SLCO5A1: variants seen among roughly 807,000 people sequenced by gnomAD.
SLCO5A1 encodes the protein organic anion transporter polypeptide-related protein 4.
Under a neutral mutation model 65.1 loss-of-function variants are expected in SLCO5A1, and 39 were observed. The observed-to-expected ratio is 0.60, with a 90% CI of 0.46 to 0.78. The LOEUF is 0.78. SLCO5A1 is among the 30% of genes least tolerant of loss of function. SLCO5A1 has a pLI of 0.00. For synonymous variants in SLCO5A1, 438 were observed against 415.7 expected (o/e 1.05, Z -0.65); for missense variants, 1,029 against 1,069.4 (o/e 0.96, Z 0.53).
chr8:69,754,980 A>G (rs192091927), intron 4 of SLCO5A1, among the ~76,000 whole-genome samples: 48 of 152,032 alleles, frequency 3.2e-4, no homozygotes, highest in Non-Finnish European at 6.3e-4. Context: ...CCTGAAATAA[A>G]CCCTCCATGG....
At chr8:69,725,999 A>T (rs750266190) in intron 5 of SLCO5A1, among the ~76,000 whole-genome samples, 41 of 152,240 alleles carry the variant, frequency 2.7e-4, no homozygotes, top group Non-Finnish European at 4.6e-4. Flanking sequence ...TAGAGGTGGT[A>T]ATGTGGAGAG....
At chr8:69,694,201 A>G (rs1814398118) in intron 6 of SLCO5A1, among the ~76,000 whole-genome samples, 1 of 152,212 alleles carries the variant, frequency 6.6e-6, no homozygotes, top group Admixed American at 6.5e-5. Context: ...GTGCTCAGAA[A>G]GAATGCAAAC....
At chr8:69,798,268 C>T (rs1819584012) in intron 2 of SLCO5A1, among the ~76,000 whole-genome samples, 1 of 152,138 alleles carries the variant, frequency 6.6e-6, no homozygotes, top group African/African-American at 2.4e-5. Flanking sequence ...GGCAATGCCC[C>T]ACTCCTCAGT....
At chr8:69,758,016 A>C (rs1344069819) in intron 3 of SLCO5A1, among the ~76,000 whole-genome samples, 1 of 152,188 alleles carries the variant, frequency 6.6e-6, no homozygotes, top group African/African-American at 2.4e-5. Context: ...TTGCTTTTCC[A>C]AATCAGCCTT....
At chr8:69,760,047 C>T (rs1398388453) in intron 3 of SLCO5A1, among the ~76,000 whole-genome samples, 1 of 152,200 alleles carries the variant, frequency 6.6e-6, no homozygotes, top group Non-Finnish European at 1.5e-5. Context: ...GCCTTCCCTC[C>T]TTCTCCCTAC....
At chr8:69,707,199 C>G (rs1275236658) in intron 5 of SLCO5A1, among the ~76,000 whole-genome samples, 1 of 151,962 alleles carries the variant, frequency 6.6e-6, no homozygotes, top group East Asian at 1.9e-4. Flanking sequence ...CCCCCAAGAA[C>G]CTTACAATCT....
At chr8:69,731,602 A>G (rs1466446429) in intron 5 of SLCO5A1, among the ~76,000 whole-genome samples, 1 of 152,210 alleles carries the variant, frequency 6.6e-6, no homozygotes, top group Admixed American at 6.5e-5. Context: ...GTCCACTATG[A>G]GCTCTTACAA....
At position 69,722,920 on chromosome 8, in the gene SLCO5A1, T is replaced by C. The variant is rs1004534259; in HGVS notation, c.1423+15120A>G. 2.0e-5 allele frequency among the ~76,000 whole-genome samples: 3 copies of C among 152,142 alleles called. No individual in the cohort carries two copies. In the East Asian group the frequency reaches 5.8e-4, roughly 29 times the overall value. On this transcript the variant is annotated intron_variant, in intron 5 of 9. Transcript: ENST00000260126. ...ATACAGAGATGAGGCAGTGACTGAC[T>C]ATTCTTGATGCATAATTTAGCCACA... is the stretch of plus-strand genomic sequence containing the variant.
intron 2 of SLCO5A1, among the ~76,000 whole-genome samples, chr8:69,797,886 T>TGTGAAGC (rs1819568627): frequency 6.6e-6 from 1 of 152,188 alleles, no homozygotes; most frequent in Non-Finnish European, 1.5e-5. Flanking sequence ...TGTGATATCT[T>TGTGAAGC]ATTACCTTGT....
chr8:69,801,442 A>T (rs1819733357), intron 2 of SLCO5A1, among the ~76,000 whole-genome samples: 1 of 152,206 alleles, frequency 6.6e-6, no homozygotes, highest in South Asian at 2.1e-4. Flanking sequence ...TTCACCTGTG[A>T]TGAGACTTAC....
intron 2 of SLCO5A1, among the ~76,000 whole-genome samples, chr8:69,815,253 G>T (rs1820357136): frequency 6.6e-6 from 1 of 151,966 alleles, no homozygotes; most frequent in Non-Finnish European, 1.5e-5. Flanking sequence ...ACATCACTTT[G>T]TACCCATAAA....
At position 69,673,325 on chromosome 8, in the gene SLCO5A1, T is replaced by C; in HGVS notation, c.2091A>G (p.Ala697=). The change falls in exon 10 of 10, where the codon GCA becomes GCG. Residue 697 remains alanine (A), a splice_region_variant and synonymous_variant. Transcript: ENST00000260126. The part of the protein sequence containing the change: ...GMQFVLLRTL[A]YIPTPIYFGA... ...CAAAGTAGATTGGAGTAGGAATGTATGCTAGAGGGGTGGAGAAGAAGAAAA... is the reference window on the plus strand; with the variant it reads ...CAAAGTAGATTGGAGTAGGAATGTACGCTAGAGGGGTGGAGAAGAAGAAAA... 6.2e-7 allele frequency: 1 copy of C among 1,608,620 alleles called. No individual in the cohort carries two copies. The highest frequency in any genetic ancestry group is 8.5e-7 in the Non-Finnish European group (1 of 1,175,780).
chr8:69,769,179 T>C (rs1179630950), intron 2 of SLCO5A1, among the ~76,000 whole-genome samples: 2 of 152,222 alleles, frequency 1.3e-5, no homozygotes, highest in Admixed American at 6.5e-5. Flanking sequence ...CACTGAGGAC[T>C]CGCCTGACCC....
intron 2 of SLCO5A1, among the ~76,000 whole-genome samples, chr8:69,775,216 T>C (rs1460383277): frequency 1.3e-5 from 2 of 152,190 alleles, no homozygotes; most frequent in African/African-American, 4.8e-5. Context: ...AAATCATTGG[T>C]TGTAATTCAC....
chr8:69,694,863 A>G (rs991563042), intron 6 of SLCO5A1, among the ~76,000 whole-genome samples: 1 of 152,198 alleles, frequency 6.6e-6, no homozygotes, highest in African/African-American at 2.4e-5. Flanking sequence ...TAGTCAGGTT[A>G]CTTGTTCTAG....
intron 2 of SLCO5A1, among the ~76,000 whole-genome samples, chr8:69,803,294 G>A (rs1316938329): frequency 6.6e-6 from 1 of 152,148 alleles, no homozygotes; most frequent in Non-Finnish European, 1.5e-5. Context: ...GCATACACTT[G>A]CAATCCCAAC....
intron 5 of SLCO5A1, among the ~76,000 whole-genome samples, chr8:69,728,458 A>T (rs73283466): frequency 6.6e-6 from 1 of 152,172 alleles, no homozygotes; most frequent in Non-Finnish European, 1.5e-5. Context: ...AAAATTAAAA[A>T]CCAAAAACAA....
At chr8:69,805,188 A>G (rs1026343262) in intron 2 of SLCO5A1, among the ~76,000 whole-genome samples, 1 of 152,058 alleles carries the variant, frequency 6.6e-6, no homozygotes, top group African/African-American at 2.4e-5. Context: ...CACGAGCCAC[A>G]CCCTGCCAGC....
chr8:69,722,292 A>T (rs1487719095), intron 5 of SLCO5A1, among the ~76,000 whole-genome samples: 1 of 152,244 alleles, frequency 6.6e-6, no homozygotes, highest in Non-Finnish European at 1.5e-5. Flanking sequence ...ATAAGCCCTT[A>T]TGACTTTTTC....
Sources: allele counts gnomAD v4.1 joint callset (sites outside exome capture counted in the v4.1 genomes callset), GRCh38; gene constraint gnomAD v4.1.1; transcripts MANE v1.5; gene names NCBI Gene and HGNC (gene_info 2026-07-23, HGNC 2026-07-21).